Variants in THADA observed in about 807,000 individuals in gnomAD.
The protein encoded by THADA is THADA armadillo repeat containing.
THADA carries 213 observed loss-of-function variants against 219.8 expected under a neutral mutation model. That is an observed-to-expected ratio of 0.97 (90% CI 0.87 to 1.09). THADA has a LOEUF of 1.09. Among genes scored for constraint, THADA ranks in the 50% least tolerant of loss-of-function variants. The pLI is 0.00. For synonymous variants in THADA, 1,018 were observed against 828.9 expected (o/e 1.23, Z -3.92); for missense variants, 2,956 against 2,311.3 (o/e 1.28, Z -5.72).
chr2:43,279,813 C>G lies in THADA; in HGVS notation c.5248G>C (p.Glu1750Gln), dbSNP rs879225115. The change falls in exon 36 of 38, where the codon GAA (glutamate) becomes CAA (glutamine). Residue 1750 changes from glutamate (E) to glutamine (Q), a missense_variant. Transcript: ENST00000405975. Reference protein sequence around the residue: ...EEQAVRDAATETVTTAMSQEN... With the variant: ...EEQAVRDAATQTVTTAMSQEN... ...TGTGACATGGCAGTTGTCACGGTTT[C>G]CGTGGCTGCATCTCTAACAGCTTGC... 7 of 1,556,654 alleles carry G rather than the reference C, an allele frequency of 4.5e-6. No homozygotes were observed. In the African/African-American group the frequency reaches 8.2e-5, roughly 18 times the overall value.
In THADA at chr2:43,498,915, G is replaced by T. The variant is rs763566405; in HGVS notation, c.3662C>A (p.Thr1221Lys). 1 of 1,593,662 alleles carries T rather than the reference G, an allele frequency of 6.3e-7. No homozygotes were observed. The highest frequency in any genetic ancestry group is 8.6e-7 in the Non-Finnish European group (1 of 1,169,490). ...AGGAATAATATTTTCTCCCAGGCGC[G>T]TATCTCTGAACAATGCTCTAAGGAT... ...LNILRALFRD[T>K]RLGENIIPYV... Residue 1221 changes from threonine (T) to lysine (K), a missense_variant, in exon 25 of 38, where the codon ACG becomes AAG. Transcript: ENST00000405975.
At chr2:43,428,394 G>T (rs958030697) in intron 27 of THADA, among the ~76,000 whole-genome samples, 163 bp from the exon 28 acceptor site, 9 of 152,202 alleles carry the variant, frequency 5.9e-5, no homozygotes, top group Non-Finnish European at 1.3e-4. Context: ...GATCACGTGA[G>T]GTCAGGAGTT....
chr2:43,516,844 T>C (rs953406695), intron 22 of THADA, among the ~76,000 whole-genome samples: 3 of 152,186 alleles, frequency 2.0e-5, no homozygotes, highest in African/African-American at 7.2e-5. Flanking sequence ...ATCAGGTAGC[T>C]AGTGGTTGCT....
intron 9 of THADA, among the ~76,000 whole-genome samples, chr2:43,578,018 G>C (rs1275858759): frequency 6.6e-6 from 1 of 151,854 alleles, no homozygotes; most frequent in African/African-American, 2.4e-5. Context: ...ACAGGTGACT[G>C]TTATTGTCTT....
At chr2:43,362,114 C>T (rs1669589047) in intron 29 of THADA, among the ~76,000 whole-genome samples, 1 of 152,202 alleles carries the variant, frequency 6.6e-6, no homozygotes, top group African/African-American at 2.4e-5. Flanking sequence ...GGAACAAATA[C>T]TTTAGCTCCC....
At chr2:43,484,767 T>C (rs1686672200) in intron 26 of THADA, among the ~76,000 whole-genome samples, 1 of 152,064 alleles carries the variant, frequency 6.6e-6, no homozygotes, top group Non-Finnish European at 1.5e-5. Context: ...TTAACACATA[T>C]AGGTGCTCCT....
chr2:43,259,213 T>C (rs1229027998), intron 36 of THADA, among the ~76,000 whole-genome samples: 1 of 152,282 alleles, frequency 6.6e-6, no homozygotes, highest in East Asian at 1.9e-4. Context: ...GTGATACTGA[T>C]AGGGGTCACT....
intron 23 of THADA, 151 bp downstream of exon 23, chr2:43,508,497 C>T: frequency 5.7e-6 from 4 of 707,664 alleles, no homozygotes; most frequent in Non-Finnish European, 8.7e-6. Context: ...ACACCATCCC[C>T]ACATTAAAAC....
intron 14 of THADA, among the ~76,000 whole-genome samples, chr2:43,567,700 T>C (rs1372302265): frequency 6.6e-6 from 1 of 152,240 alleles, no homozygotes; most frequent in Non-Finnish European, 1.5e-5. Context: ...ATATAGTTCT[T>C]GTTTCCTGCA....
chr2:43,574,888 A>G lies in THADA; in HGVS notation c.1177T>C (p.Leu393=), dbSNP rs1487334059. ...TCCCAATGGGTATAGACATATTCCA[A>G]AAGTCTCCCAACTATACTTGAATTC... is the stretch of plus-strand genomic sequence containing the variant. ...NGNSSIVGRL[L]EYVYTHWEHP... The change falls in exon 11 of 38, where the codon TTG becomes CTG. Residue 393 remains leucine (L), a synonymous_variant. Coordinates refer to ENST00000405975, the MANE Select transcript of THADA (RefSeq NM_022065.5). 2 of 1,613,988 alleles carry G rather than the reference A, an allele frequency of 1.2e-6. No individual in the cohort carries two copies. Among genetic ancestry groups the G allele is most frequent in the Non-Finnish European group, 1.7e-6 (2 of 1,179,882 alleles).
At chr2:43,389,192 G>C (rs1041742661) in intron 29 of THADA, among the ~76,000 whole-genome samples, 2 of 152,218 alleles carry the variant, frequency 1.3e-5, no homozygotes, top group Non-Finnish European at 2.9e-5. Flanking sequence ...TCCAGAGGGA[G>C]ACAAGCTGGC....
At chr2:43,265,720 A>G (rs1047782717) in intron 36 of THADA, among the ~76,000 whole-genome samples, 5 of 152,150 alleles carry the variant, frequency 3.3e-5, no homozygotes, top group African/African-American at 9.7e-5. Flanking sequence ...CAAAACTTGA[A>G]AACAACCCGA....
intron 26 of THADA, among the ~76,000 whole-genome samples, chr2:43,482,677 C>A (rs1686376998): frequency 6.6e-6 from 1 of 152,120 alleles, no homozygotes; most frequent in Non-Finnish European, 1.5e-5. Flanking sequence ...CTTCTATATG[C>A]CAGATACTAT....
chr2:43,405,548 T>G (rs953324754), intron 28 of THADA, among the ~76,000 whole-genome samples: 2 of 152,198 alleles, frequency 1.3e-5, no homozygotes, highest in Non-Finnish European at 2.9e-5. Context: ...CCCGAACTAG[T>G]TGCTCCTTTT....
Position 43,577,062 on chromosome 2 carries a change from G to C in THADA, c.997C>G (p.Leu333Val). 1 of 1,613,464 alleles carries C rather than the reference G, an allele frequency of 6.2e-7. No individual in the cohort carries two copies. Among genetic ancestry groups the C allele is most frequent in the Non-Finnish European group, 8.5e-7 (1 of 1,179,704 alleles). Reference sequence around the variant, plus strand: ...AACAAAACATGTGCAGTATCCAAGAGCAGGGCCTCCCCACTCCGACCCATG... The same window carrying C: ...AACAAAACATGTGCAGTATCCAAGACCAGGGCCTCCCCACTCCGACCCATG... Reference protein sequence around the residue: ...GSMGRSGEALLLDTAHVLFTL... With the variant: ...GSMGRSGEALVLDTAHVLFTL... Residue 333 changes from leucine to valine, a missense_variant, in exon 10 of 38, where the codon CTC (leucine) becomes GTC (valine). Leu to Val is a conservative substitution (Grantham distance 32, BLOSUM62 1). Transcript: ENST00000405975.
At chr2:43,427,503 T>TTGTGTGTGTGTGTGTG (rs70963397) in intron 28 of THADA, among the ~76,000 whole-genome samples, 2,783 of 140,562 alleles carry the variant, frequency 0.02, 35 homozygotes, top group Middle Eastern at 0.029. Context: ...CTCCCAAAGT[T>TTGTGTGTGTGTGTGTG]TGTGTGTGTG....
intron 8 of THADA, among the ~76,000 whole-genome samples, chr2:43,581,053 T>A (rs1281690451): frequency 1.3e-5 from 2 of 152,144 alleles, no homozygotes; most frequent in Non-Finnish European, 2.9e-5. Context: ...GAATGGGAGG[T>A]GAAGAGAGAA....
At chr2:43,397,628 G>C (rs567419541) in intron 29 of THADA, among the ~76,000 whole-genome samples, 2 of 151,876 alleles carry the variant, frequency 1.3e-5, no homozygotes, top group Admixed American at 1.3e-4. Flanking sequence ...GTTTCACTCG[G>C]AATAGGTAGT....
intron 31 of THADA, among the ~76,000 whole-genome samples, chr2:43,315,348 T>G (rs1043883092): frequency 1.1e-4 from 17 of 152,232 alleles, no homozygotes; most frequent in African/African-American, 3.9e-4. Flanking sequence ...CTGGCTTTCA[T>G]TCTAGTCTGT....
Sources: gnomAD v4.1 joint callset for allele counts (sites outside exome capture counted in the v4.1 genomes callset) on GRCh38, gnomAD v4.1.1 for gene constraint, MANE v1.5 for transcripts, NCBI Gene and HGNC (gene_info 2026-07-23, HGNC 2026-07-21) for gene names.